Variants in CDYL2 observed in about 807,000 individuals in gnomAD.
CDYL2 encodes chromodomain Y-like protein 2.
In CDYL2, 23 loss-of-function variants were observed where a neutral mutation model predicts 49.4. The observed-to-expected ratio is 0.47, with a 90% confidence interval of 0.34 to 0.66. The LOEUF is 0.66. CDYL2 is among the 30% of genes least tolerant of loss of function. CDYL2 has a pLI of 0.01. For missense variants in CDYL2, 678 were observed against 656.4 expected (o/e 1.03, Z -0.36); for synonymous variants, 360 against 268.8 (o/e 1.34, Z -3.32).
rs1215179309 is a variant in CDYL2 at position 80,677,317 on chromosome 16, T to G, written c.616+7221A>C. Among the ~76,000 whole-genome samples the G allele has an allele frequency of 2.6e-5, 4 of 152,264 alleles. No individual in the cohort carries two copies. In the East Asian group the frequency reaches 5.8e-4, roughly 22 times the overall value. On this transcript the variant is annotated intron_variant, in intron 2 of 6. Coordinates refer to ENST00000570137, the MANE Select transcript of CDYL2 (RefSeq NM_152342.4). ...CTCTCTTCAGGCTTTCTAGCCCTCCTTTAGGCTGTTTTGTTGAGTTGTATT... is the reference window on the plus strand; with the variant it reads ...CTCTCTTCAGGCTTTCTAGCCCTCCGTTAGGCTGTTTTGTTGAGTTGTATT...
chr16:80,788,204 T>C (rs1049006866), intron 1 of CDYL2, among the ~76,000 whole-genome samples: 1 of 152,218 alleles, frequency 6.6e-6, no homozygotes, highest in South Asian at 2.1e-4. Flanking sequence ...GTCTTCTCAC[T>C]GCTAAAGTTG....
chr16:80,789,535 G>A (rs530789798), intron 1 of CDYL2, among the ~76,000 whole-genome samples: 1 of 152,200 alleles, frequency 6.6e-6, no homozygotes, highest in African/African-American at 2.4e-5. Flanking sequence ...GGGAGGCTGA[G>A]GTTGCAGTGA....
intron 2 of CDYL2, among the ~76,000 whole-genome samples, chr16:80,673,982 A>C (rs1393160809): frequency 6.6e-6 from 1 of 152,188 alleles, no homozygotes; most frequent in Admixed American, 6.5e-5. Context: ...GGAAAAGGCA[A>C]GGAAATGGAT....
intron 1 of CDYL2, among the ~76,000 whole-genome samples, chr16:80,766,686 C>G (rs1906736930): frequency 6.6e-6 from 1 of 152,192 alleles, no homozygotes; most frequent in Non-Finnish European, 1.5e-5. Context: ...AACGATGGGA[C>G]TGACTCCAGA....
intron 2 of CDYL2, among the ~76,000 whole-genome samples, chr16:80,639,161 C>G (rs57652278): frequency 6.6e-6 from 1 of 152,170 alleles, no homozygotes; most frequent in Non-Finnish European, 1.5e-5. Context: ...GGTACCACTA[C>G]ACACATTAGA....
intron 1 of CDYL2, among the ~76,000 whole-genome samples, chr16:80,801,815 ACTT>A (rs1325299980): frequency 6.6e-6 from 1 of 152,228 alleles, no homozygotes; most frequent in Non-Finnish European, 1.5e-5. Context: ...TACACTTAGC[ACTT>A]CTTAATTGTT....
chr16:80,784,042 A>G (rs1307060648), intron 1 of CDYL2, among the ~76,000 whole-genome samples: 1 of 152,244 alleles, frequency 6.6e-6, no homozygotes, highest in African/African-American at 2.4e-5. Flanking sequence ...GGAAAATACT[A>G]TGTTATACTG....
At chr16:80,672,529 AAAAGGAAAAGGAAAGGAAAGGAAAGG>A (rs1567564828) in intron 2 of CDYL2, among the ~76,000 whole-genome samples, 3 of 116,908 alleles carry the variant, frequency 2.6e-5, no homozygotes, top group South Asian at 5.8e-4. Flanking sequence ...AAAGCAAAGG[AAAAGGAAAAGGAAAGGAAAGGAAAGG>A]AAAGGAAAGG....
intron 1 of CDYL2, among the ~76,000 whole-genome samples, chr16:80,700,571 C>T (rs1415348991): frequency 6.6e-6 from 1 of 152,146 alleles, no homozygotes; most frequent in Non-Finnish European, 1.5e-5. Flanking sequence ...GAGGGTTAAG[C>T]TCATCACTAA....
At chr16:80,626,777 T>A (rs996702898) in intron 3 of CDYL2, among the ~76,000 whole-genome samples, 16 of 152,132 alleles carry the variant, frequency 1.1e-4, no homozygotes, top group Non-Finnish European at 2.1e-4. Flanking sequence ...ACTGGGAAAA[T>A]ACTGTTTTTT....
chr16:80,611,655 AC>A (rs1279961850), intron 5 of CDYL2, among the ~76,000 whole-genome samples: 4 of 152,240 alleles, frequency 2.6e-5, no homozygotes, highest in African/African-American at 9.6e-5. Context: ...AAATCCCACA[AC>A]TGGCACTACC....
chr16:80,669,704 C>A (rs1218096069), intron 2 of CDYL2, among the ~76,000 whole-genome samples: 1 of 152,138 alleles, frequency 6.6e-6, no homozygotes, highest in African/African-American at 2.4e-5. Flanking sequence ...GCAGGTGCCC[C>A]CACTGAAAGC....
chr16:80,765,020 A>G (rs924915260), intron 1 of CDYL2, among the ~76,000 whole-genome samples: 5 of 147,740 alleles, frequency 3.4e-5, no homozygotes, highest in African/African-American at 5.0e-5. Context: ...AGATCGCGCC[A>G]CTGCACTCCA....
At chr16:80,648,332 C>G (rs904459958) in intron 2 of CDYL2, among the ~76,000 whole-genome samples, 3 of 152,046 alleles carry the variant, frequency 2.0e-5, no homozygotes, top group African/African-American at 7.2e-5. Flanking sequence ...TTAACTGATA[C>G]TGCAGAAATT....
At chr16:80,632,800 T>C in intron 3 of CDYL2, 1 of 523,206 alleles carries the variant, frequency 1.9e-6, no homozygotes, top group South Asian at 2.1e-5. Context: ...CCCATGGTCT[T>C]CATCCATAAG....
At chr16:80,680,310 C>A (rs1015012756) in intron 2 of CDYL2, among the ~76,000 whole-genome samples, 2 of 152,180 alleles carry the variant, frequency 1.3e-5, no homozygotes, top group African/African-American at 4.8e-5. Context: ...AGGAAAGGAT[C>A]TTAAACGTCC....
Position 80,804,256 on chromosome 16 carries a change from C to T in CDYL2, c.-83G>A, listed in dbSNP as rs1269745299. ...GCGTGTGCGCGCGGGGTCCGGTGTG[C>T]GCGTGTGTGTGCGCGCGTGTGTGTG... is the stretch of plus-strand genomic sequence containing the variant. On this transcript the variant is annotated 5_prime_UTR_variant, in exon 1 of 7. Coordinates refer to ENST00000570137, the MANE Select transcript of CDYL2 (RefSeq NM_152342.4). 4.0e-6 allele frequency: 5 copies of T among 1,244,560 alleles called. No homozygotes were observed. The East Asian group carries it at 1.3e-4, about 32-fold the overall frequency. 77.1% of individuals were successfully genotyped at this position (1,244,560 alleles called of 1,614,324 possible).
chr16:80,643,129 G>A (rs1038277140), intron 2 of CDYL2, among the ~76,000 whole-genome samples: 17 of 152,182 alleles, frequency 1.1e-4, no homozygotes, highest in Non-Finnish European at 1.3e-4. Context: ...GGTAAATACA[G>A]CTATTCCAAA....
chr16:80,717,071 T>G (rs546988651), intron 1 of CDYL2, among the ~76,000 whole-genome samples: 34 of 150,246 alleles, frequency 2.3e-4, no homozygotes, highest in Admixed American at 3.3e-4. Context: ...GATGATTAAA[T>G]GGATAAATGG....
Sources: gnomAD v4.1 joint callset for allele counts (sites outside exome capture counted in the v4.1 genomes callset) on GRCh38, gnomAD v4.1.1 for gene constraint, MANE v1.5 for transcripts, NCBI Gene and HGNC (gene_info 2026-07-23, HGNC 2026-07-21) for gene names.